The following USH2A variants were observed in gnomAD, a reference collection of about 807,000 sequenced individuals.
USH2A encodes the protein Usher syndrome 2A (autosomal recessive, mild).
A neutral mutation model predicts 538.9 loss-of-function variants in USH2A; 443 were observed. The ratio of observed to expected loss-of-function variants is 0.82; its 90% confidence interval spans 0.76 to 0.89. The LOEUF is 0.89. USH2A is among the 40% of genes least tolerant of loss of function. The pLI is 0.00. For synonymous variants in USH2A, 2,413 were observed against 2,273.5 expected, an observed-to-expected ratio of 1.06 and a Z score of -1.75; for missense variants, 6,633 against 6,324.8, an observed-to-expected ratio of 1.05 and a Z score of -1.65.
intron 3 of USH2A, among the ~76,000 whole-genome samples, chr1:216,414,460 T>C (rs986199836): frequency 8.5e-5 from 13 of 152,094 alleles, no homozygotes; most frequent in Non-Finnish European, 1.8e-4. Flanking sequence ...CCAATTTTGG[T>C]ATGTCTGGAT....
chr1:215,839,702 C>G (rs1445921970), intron 46 of USH2A, among the ~76,000 whole-genome samples: 2 of 152,100 alleles, frequency 1.3e-5, no homozygotes, highest in African/African-American at 4.8e-5. Context: ...CATTCCCAGT[C>G]TCCATTTTGG....
intron 61 of USH2A, among the ~76,000 whole-genome samples, chr1:215,708,932 T>C (rs893217053): frequency 5.3e-5 from 8 of 152,194 alleles, no homozygotes; most frequent in Non-Finnish European, 8.8e-5. Flanking sequence ...TATACTAACT[T>C]TGGAAACATG....
chr1:215,658,324 G>A (rs1028494303), intron 64 of USH2A, among the ~76,000 whole-genome samples: 74 of 151,792 alleles, frequency 4.9e-4, no homozygotes, highest in African/African-American at 1.7e-3. Flanking sequence ...CTCTCATGGA[G>A]GATATGTAAA....
intron 66 of USH2A, 53 bp from the exon 67 acceptor site, chr1:215,647,783 C>T: frequency 2.5e-6 from 4 of 1,594,990 alleles, no homozygotes; most frequent in Non-Finnish European, 3.4e-6. Flanking sequence ...ATTAGTTTAA[C>T]TCTCTCTTTT....
chr1:215,947,081 G>A (rs1666778622), intron 37 of USH2A, among the ~76,000 whole-genome samples: 2 of 147,110 alleles, frequency 1.4e-5, no homozygotes, highest in South Asian at 2.1e-4. Flanking sequence ...TCACTCTGTC[G>A]CCCAGACTGG....
intron 32 of USH2A, among the ~76,000 whole-genome samples, chr1:216,012,520 C>T (rs1668600479): frequency 6.6e-6 from 1 of 152,144 alleles, no homozygotes; most frequent in Admixed American, 6.5e-5. Flanking sequence ...TTCTGTCAGA[C>T]ATAATTCCTC....
intron 37 of USH2A, among the ~76,000 whole-genome samples, chr1:215,952,208 A>C (rs76279507): frequency 0.032 from 4,870 of 152,106 alleles, 122 homozygotes; most frequent in South Asian, 0.084. Flanking sequence ...GCAACCCCTG[A>C]CTTTTTTAGT....
chr1:216,076,657 A>G (rs746947290), intron 27 of USH2A, among the ~76,000 whole-genome samples: 1 of 152,114 alleles, frequency 6.6e-6, no homozygotes, highest in Non-Finnish European at 1.5e-5. Context: ...CTGCTGTTAC[A>G]TCTTAAGTGC....
Position 215,627,442 on chromosome 1 carries a change from TTCC to T in USH2A, c.15519+1369_15519+1371del, listed in dbSNP as rs1558027528. 6.2e-3 allele frequency among the ~76,000 whole-genome samples: 730 copies of T among 118,364 alleles called. 23 individuals carry two copies. Among genetic ancestry groups the T allele is most frequent in the African/African-American group, 8.2e-3 (277 of 33,852 alleles). The allele number at this position is 118,364 out of a possible 152,430, so 77.7% of individuals were successfully genotyped here. ...CTTCCTTCCTTCCTTCCTTCCTTCCTTCCTTCCTTCCTTCCTTCCTTCCTTCCT... is the reference window on the plus strand; with the variant it reads ...CTTCCTTCCTTCCTTCCTTCCTTCCTTTCCTTCCTTCCTTCCTTCCTTCCT... On this transcript the variant is annotated intron_variant, in intron 71 of 71. Coordinates refer to ENST00000307340, the MANE Select transcript of USH2A (RefSeq NM_206933.4).
At chr1:216,015,827 G>C (rs1449981007) in intron 32 of USH2A, among the ~76,000 whole-genome samples, 1 of 152,082 alleles carries the variant, frequency 6.6e-6, no homozygotes, top group Non-Finnish European at 1.5e-5. Context: ...ACTTGACCTA[G>C]CTATCCCATT....
At chr1:215,766,602 T>C in intron 56 of USH2A, 79 bp downstream of exon 56, 2 of 1,281,734 alleles carry the variant, frequency 1.6e-6, no homozygotes, top group Non-Finnish European at 2.3e-6. Flanking sequence ...CCTTATTTGT[T>C]ATGAAGGAGT....
chr1:216,251,056 G>T lies in USH2A; in HGVS notation c.2014C>A (p.Gln672Lys), dbSNP rs201921294. Residue 672 changes from glutamine to lysine, a missense_variant, in exon 12 of 72, where the codon CAG becomes AAG. Physicochemically the swap from Gln to Lys is moderately conservative, Grantham distance 53. Coordinates refer to ENST00000307340, the MANE Select transcript of USH2A (RefSeq NM_206933.4). ...AATCCATTCTGGCACTGATTGCACT[G>T]CCTGCCAGACACGTGTCTCTTACAA... ...CNCKRHVSGR[Q>K]CNQCQNGFYN... 4 of 1,614,000 alleles carry T rather than the reference G, an allele frequency of 2.5e-6. No homozygotes were observed. The highest frequency in any genetic ancestry group is 3.4e-6 in the Non-Finnish European group (4 of 1,179,970).
intron 3 of USH2A, among the ~76,000 whole-genome samples, chr1:216,383,865 T>C (rs1369451323): frequency 1.4e-5 from 2 of 139,730 alleles, no homozygotes; most frequent in Non-Finnish European, 3.0e-5. Context: ...TTTCTTTCTT[T>C]CTTTTTTTTT....
At chr1:215,931,950 G>A (rs1024747807) in intron 38 of USH2A, among the ~76,000 whole-genome samples, 1 of 151,948 alleles carries the variant, frequency 6.6e-6, no homozygotes, top group African/African-American at 2.4e-5. Context: ...TAAAAAATGA[G>A]TAGGATTTGG....
intron 11 of USH2A, among the ~76,000 whole-genome samples, chr1:216,279,079 T>A (rs899968567): frequency 1.3e-5 from 2 of 152,184 alleles, no homozygotes; most frequent in African/African-American, 4.8e-5. Flanking sequence ...CTTATTAATC[T>A]ATTTTTAAAT....
At position 216,412,077 on chromosome 1, in the gene USH2A, C is replaced by T. The variant is rs796668555; in HGVS notation, c.651+6437G>A. Among the ~76,000 whole-genome samples the T allele has an allele frequency of 7.2e-5, 11 of 152,158 alleles. No individual in the cohort carries two copies. The East Asian group carries it at 1.5e-3, about 21-fold the overall frequency. On this transcript the variant is annotated intron_variant, in intron 3 of 71. Coordinates refer to ENST00000307340, the MANE Select transcript of USH2A (RefSeq NM_206933.4). ...CTCCTTCATAGCAGGAAGTTATAGG[C>T]TATAAAGTGTTTTAGTAGACAATAT... is the stretch of plus-strand genomic sequence containing the variant.
intron 61 of USH2A, among the ~76,000 whole-genome samples, chr1:215,722,108 T>G (rs1659682085): frequency 6.6e-6 from 1 of 151,872 alleles, no homozygotes; most frequent in Non-Finnish European, 1.5e-5. Context: ...AAATATTCAT[T>G]GTTTTGTGTG....
chr1:215,951,377 T>G (rs1666907477), intron 37 of USH2A, among the ~76,000 whole-genome samples: 1 of 152,238 alleles, frequency 6.6e-6, no homozygotes, highest in Admixed American at 6.5e-5. Context: ...AGTGAGTTTC[T>G]TAATCCTGAG....
At chr1:215,844,747 G>T (rs970419142) in intron 45 of USH2A, among the ~76,000 whole-genome samples, 3 of 152,016 alleles carry the variant, frequency 2.0e-5, no homozygotes, top group African/African-American at 4.8e-5. Context: ...TGTGACCAGT[G>T]GGATATGATG....
Sources: allele counts gnomAD v4.1 joint callset (sites outside exome capture counted in the v4.1 genomes callset), GRCh38; gene constraint gnomAD v4.1.1; transcripts MANE v1.5; gene names NCBI Gene and HGNC (gene_info 2026-07-23, HGNC 2026-07-21).